BMPR1A: variants seen among roughly 807,000 people sequenced by gnomAD.
BMPR1A encodes the protein bone morphogenetic protein receptor type-1A.
BMPR1A carries 7 observed loss-of-function variants against 66.0 expected under a neutral mutation model. That is an observed-to-expected ratio of 0.11 (90% confidence interval 0.06 to 0.20). The LOEUF (loss-of-function observed/expected upper bound fraction) is 0.20. BMPR1A is among the 10% of genes least tolerant of loss of function. The probability of loss-of-function intolerance (pLI) is 1.00; values close to 1 mark genes in which losing one functional copy is unlikely to be tolerated. For missense variants in BMPR1A, 408 were observed against 669.1 expected, an observed-to-expected ratio of 0.61 and a Z score of 4.31; for synonymous variants, 200 against 229.7, an observed-to-expected ratio of 0.87 and a Z score of 1.17.
chr10:86,899,843 A>G lies in BMPR1A; in HGVS notation c.383A>G (p.Asn128Ser), dbSNP rs375165807. Residue 128 changes from asparagine to serine, a missense_variant, in exon 6 of 13, where the codon AAT (asparagine) becomes AGT (serine). Asn to Ser is a conservative substitution (Grantham distance 46). Around this residue, in one of 5 missense-constraint regions of BMPR1A, gnomAD observed 174 missense variants for 265.1 expected, o/e 0.66. Coordinates refer to ENST00000372037, the MANE Select transcript of BMPR1A (RefSeq NM_004329.3). ...LRRTIECCRT[N>S]LCNQYLQPTL... ...CGGACAATAGAATGTTGTCGGACCAATTTATGTAACCAGTATTTGCAACCC... is the reference window on the plus strand; with the variant it reads ...CGGACAATAGAATGTTGTCGGACCAGTTTATGTAACCAGTATTTGCAACCC... 6.1e-5 allele frequency: 99 copies of G among 1,614,104 alleles called. No individual in the cohort carries two copies. The highest frequency in any genetic ancestry group is 7.8e-5 in the Non-Finnish European group (92 of 1,180,046).
intron 2 of BMPR1A, among the ~76,000 whole-genome samples, chr10:86,875,422 T>G (rs1247894058): frequency 6.6e-6 from 1 of 152,188 alleles, no homozygotes; most frequent in Non-Finnish European, 1.5e-5. Context: ...CTAGGTCGGC[T>G]TCCTCTTCTA....
chr10:86,919,615 C>A, intron 10 of BMPR1A, 146 bp downstream of exon 10: 2 of 1,118,278 alleles, frequency 1.8e-6, no homozygotes, highest in African/African-American at 1.6e-5. Context: ...GGATTTTGTT[C>A]TTTTTACAAA....
At chr10:86,824,345 C>A (rs975940497) in intron 1 of BMPR1A, among the ~76,000 whole-genome samples, 1 of 152,092 alleles carries the variant, frequency 6.6e-6, no homozygotes, top group East Asian at 1.9e-4. Context: ...CTTGATTGCC[C>A]TAGTTGCTGC....
rs184907506 is a variant in BMPR1A at position 86,763,908 on chromosome 10, A to G, written c.-268+6989A>G. Among the ~76,000 whole-genome samples, 248 of 149,694 alleles carry G rather than the reference A, an allele frequency of 1.7e-3. 1 individual carries two copies. Among genetic ancestry groups the G allele is most frequent in the African/African-American group, 5.6e-3 (227 of 40,540 alleles). On this transcript the variant is annotated intron_variant, in intron 1 of 12. Transcript: ENST00000372037. ...CGGGTTCACGCCATTCTCCTGCCTC[A>G]GCCTCCTGAGTAGCTGGGACCACAG...
intron 1 of BMPR1A, among the ~76,000 whole-genome samples, chr10:86,812,093 T>G (rs1431637108): frequency 1.3e-5 from 2 of 151,988 alleles, no homozygotes; most frequent in Non-Finnish European, 2.9e-5. Flanking sequence ...ATAGAGCTTT[T>G]GGGGATATAC....
At chr10:86,849,826 A>G (rs776083527) in intron 2 of BMPR1A, among the ~76,000 whole-genome samples, 2 of 152,214 alleles carry the variant, frequency 1.3e-5, no homozygotes, top group Non-Finnish European at 2.9e-5. Context: ...CACTCAGTAA[A>G]TATTAGTTTA....
At chr10:86,917,412 T>C (rs963281555) in intron 9 of BMPR1A, 86 bp downstream of exon 9, 2 of 1,492,050 alleles carry the variant, frequency 1.3e-6, no homozygotes, top group Non-Finnish European at 1.9e-6. Context: ...TTTGAAAATG[T>C]GTGAGTTCAA....
downstream of BMPR1A, chr10:86,932,370 T>C (rs180963915): frequency 6.6e-6 from 1 of 152,344 alleles, no homozygotes; most frequent in Non-Finnish European, 1.5e-5. Context: ...CTAATTGTTA[T>C]TTTGGTGTGG....
chr10:86,797,762 TTCCAAAAAGG>T (rs374147120), intron 1 of BMPR1A, among the ~76,000 whole-genome samples: 156 of 152,288 alleles, frequency 1.0e-3, no homozygotes, highest in African/African-American at 3.6e-3. Flanking sequence ...ATGGACCTTG[TTCCAAAAAGG>T]TCCAAAAAGG....
At chr10:86,790,999 A>G (rs187404251) in intron 1 of BMPR1A, among the ~76,000 whole-genome samples, 1 of 152,350 alleles carries the variant, frequency 6.6e-6, no homozygotes, top group Non-Finnish European at 1.5e-5. Context: ...ATGGTTTTTC[A>G]GTTTTCCACT....
chr10:86,761,742 G>A (rs1283318761), intron 1 of BMPR1A, among the ~76,000 whole-genome samples: 2 of 152,198 alleles, frequency 1.3e-5, no homozygotes, highest in African/African-American at 2.4e-5. Flanking sequence ...GATAGGAGGC[G>A]ATAACTAGCG....
intron 2 of BMPR1A, among the ~76,000 whole-genome samples, chr10:86,865,677 A>C (rs1842777600): frequency 6.6e-6 from 1 of 152,250 alleles, no homozygotes; most frequent in Non-Finnish European, 1.5e-5. Context: ...CCACAAAAAA[A>C]GAACCAGTAT....
At chr10:86,881,567 A>G (rs1266734437) in intron 3 of BMPR1A, among the ~76,000 whole-genome samples, 1 of 152,226 alleles carries the variant, frequency 6.6e-6, no homozygotes, top group Non-Finnish European at 1.5e-5. Context: ...AGCGCTCAAT[A>G]GACACATGTG....
At chr10:86,889,443 T>G (rs1239935671) in intron 3 of BMPR1A, 1 of 152,384 alleles carries the variant, frequency 6.6e-6, no homozygotes. Context: ...GGAAAGCTGG[T>G]CACAAGTTTT....
intron 2 of BMPR1A, among the ~76,000 whole-genome samples, chr10:86,852,385 TAGTG>T (rs1842582496): frequency 6.6e-6 from 1 of 151,724 alleles, no homozygotes; most frequent in African/African-American, 2.4e-5. Flanking sequence ...CTGAGCAAAA[TAGTG>T]AGACCCTGCG....
At chr10:86,908,693 G>T (rs869312506) in intron 7 of BMPR1A, among the ~76,000 whole-genome samples, 3 of 152,186 alleles carry the variant, frequency 2.0e-5, no homozygotes, top group African/African-American at 7.2e-5. Flanking sequence ...CTGCTGTTGC[G>T]TGTTATTCAC....
At position 86,923,379 on chromosome 10, in the gene BMPR1A, T is replaced by C. The variant is rs587781884; in HGVS notation, c.1346T>C (p.Ile449Thr). Residue 449 changes from isoleucine to threonine, a missense_variant, in exon 12 of 13, where the codon ATC (isoleucine) becomes ACC (threonine). Around this residue, in one of 5 missense-constraint regions of BMPR1A, gnomAD observed 130 missense variants for 257.3 expected, o/e 0.51. Coordinates refer to ENST00000372037, the MANE Select transcript of BMPR1A (RefSeq NM_004329.3). The stretch of plus-strand genomic sequence containing the variant: ...ATGTTTTCTCATTCCCTTATAGGGA[T>C]CGTGGAAGAATACCAATTGCCATAT... ...EMARRCITGG[I>T]VEEYQLPYYN... 1 of 1,614,112 alleles carries C rather than the reference T, an allele frequency of 6.2e-7. No individual in the cohort carries two copies. The highest frequency in any genetic ancestry group is 8.5e-7 in the Non-Finnish European group (1 of 1,180,024).
At chr10:86,909,082 T>C (rs1456235294) in intron 7 of BMPR1A, among the ~76,000 whole-genome samples, 3 of 152,146 alleles carry the variant, frequency 2.0e-5, no homozygotes, top group Non-Finnish European at 4.4e-5. Context: ...GAGGGCCTTG[T>C]GTAGATAGAG....
At chr10:86,911,265 A>G (rs1843479690) in intron 7 of BMPR1A, among the ~76,000 whole-genome samples, 3 of 152,136 alleles carry the variant, frequency 2.0e-5, no homozygotes, top group African/African-American at 7.2e-5. Context: ...AGATGAAGTA[A>G]TTTGTCTACA....
Sources: gnomAD v4.1 joint callset for allele counts (sites outside exome capture counted in the v4.1 genomes callset) on GRCh38, gnomAD v4.1.1 for gene constraint, gnomAD v4.1.1 regional missense constraint, MANE v1.5 for transcripts, NCBI Gene and HGNC (gene_info 2026-07-23, HGNC 2026-07-21) for gene names.